ZFYVE9: variants seen among roughly 807,000 people sequenced by gnomAD.
ZFYVE9 encodes zinc finger FYVE-type containing 9.
ZFYVE9 carries 43 observed loss-of-function variants against 126.7 expected under a neutral mutation model. That is an observed-to-expected ratio of 0.34 (90% CI 0.27 to 0.44). The LOEUF (loss-of-function observed/expected upper bound fraction) is 0.44. ZFYVE9 is among the 20% of genes least tolerant of loss of function. ZFYVE9 has a pLI of 1.00. For missense variants in ZFYVE9, 1,476 were observed against 1,697.0 expected (o/e 0.87, Z 2.29); for synonymous variants, 521 against 597.4 (o/e 0.87, Z 1.87).
At position 52,239,349 on chromosome 1, in the gene ZFYVE9, A is replaced by G. The variant is rs1249250259; in HGVS notation, c.1932A>G (p.Thr644=). Residue 644 remains threonine (T), a synonymous_variant, in exon 4 of 19, where the codon ACA becomes ACG. Transcript: ENST00000287727. ...PSLGNISNVD[T]NGEHLESYEA... Reference sequence around the variant, plus strand: ...TGGGAAACATCTCTAATGTCGATACAAATGGGGAACATTTAGAAAGTTATG... The same window carrying G: ...TGGGAAACATCTCTAATGTCGATACGAATGGGGAACATTTAGAAAGTTATG... 5 of 1,614,122 alleles carry G rather than the reference A, an allele frequency of 3.1e-6. No individual in the cohort carries two copies. Among genetic ancestry groups the G allele is most frequent in the Admixed American group, 1.7e-5 (1 of 60,008 alleles).
intron 1 of ZFYVE9, among the ~76,000 whole-genome samples, chr1:52,167,540 C>T (rs1196031345): frequency 1.3e-5 from 2 of 152,060 alleles, no homozygotes; most frequent in Non-Finnish European, 2.9e-5. Flanking sequence ...CTAAAAATAA[C>T]CTACCCTTTT....
At chr1:52,258,879 G>A (rs1440718202) in intron 4 of ZFYVE9, among the ~76,000 whole-genome samples, 1 of 151,226 alleles carries the variant, frequency 6.6e-6, no homozygotes, top group African/African-American at 2.4e-5. Flanking sequence ...TACTCCATTT[G>A]CTGCTCCCTT....
chr1:52,265,574 G>T (rs923896849), intron 5 of ZFYVE9, among the ~76,000 whole-genome samples: 3 of 152,018 alleles, frequency 2.0e-5, no homozygotes, highest in Admixed American at 1.3e-4. Flanking sequence ...GAAATTATAG[G>T]GTACACAGAA....
At chr1:52,264,564 T>C (rs952749166) in intron 5 of ZFYVE9, among the ~76,000 whole-genome samples, 1 of 152,214 alleles carries the variant, frequency 6.6e-6, no homozygotes, top group Non-Finnish European at 1.5e-5. Flanking sequence ...AAAGATACAC[T>C]AAAATTGTTC....
intron 1 of ZFYVE9, among the ~76,000 whole-genome samples, chr1:52,200,458 G>A (rs987279854): frequency 1.3e-5 from 2 of 152,158 alleles, no homozygotes; most frequent in African/African-American, 2.4e-5. Flanking sequence ...TGGGATTACA[G>A]ATGTAAGCCA....
In ZFYVE9 at chr1:52,246,191, A is replaced by G. The variant is rs145561883; in HGVS notation, c.2178+6596A>G. On this transcript the variant is annotated intron_variant, in intron 4 of 18. Coordinates refer to ENST00000287727, the MANE Select transcript of ZFYVE9 (RefSeq NM_004799.4). ...CTGATACATCAGCCTTGGCCTCCCA[A>G]AGTGCTGGGATTACAGGTGTGAGCC... Among the ~76,000 whole-genome samples the G allele has an allele frequency of 6.4e-3, 971 of 152,270 alleles. 12 individuals carry two copies. The highest frequency in any genetic ancestry group is 0.014 in the Middle Eastern group (4 of 294).
At chr1:52,177,173 G>A (rs1451012661) in intron 1 of ZFYVE9, among the ~76,000 whole-genome samples, 1 of 149,356 alleles carries the variant, frequency 6.7e-6, no homozygotes, top group Non-Finnish European at 1.5e-5. Context: ...TTTTGAGACG[G>A]ACTCTCCCTC....
At chr1:52,160,598 T>G in intron 1 of ZFYVE9, 1 of 714,798 alleles carries the variant, frequency 1.4e-6, no homozygotes, top group Non-Finnish European at 2.6e-6. Flanking sequence ...AAAGGAATAG[T>G]CCATAGAGTC....
intron 7 of ZFYVE9, 27 bp downstream of exon 7, chr1:52,268,659 T>C: frequency 6.2e-7 from 1 of 1,608,620 alleles, no homozygotes; most frequent in Non-Finnish European, 8.5e-7. Context: ...GCAACTAAAA[T>C]TGCATAGCTA....
Position 52,239,476 on chromosome 1 carries a change from A to C in ZFYVE9, c.2059A>C (p.Thr687Pro), listed in dbSNP as rs771819806. 3 of 1,614,022 alleles carry C rather than the reference A, an allele frequency of 1.9e-6. No homozygotes were observed. The highest frequency in any genetic ancestry group is 2.7e-5 in the African/African-American group (2 of 74,932). The change falls in exon 4 of 19, where the codon ACC becomes CCC. Residue 687 changes from threonine to proline, a missense_variant. Coordinates refer to ENST00000287727, the MANE Select transcript of ZFYVE9 (RefSeq NM_004799.4). ...QFGISARKPF[T>P]TLGEVAPVWV... ...TGGAATTTCTGCCAGAAAGCCATTC[A>C]CCACTCTGGGTGAGGTGGCTCCAGT... is the stretch of plus-strand genomic sequence containing the variant.
At chr1:52,284,054 G>A (rs996759334) in intron 10 of ZFYVE9, among the ~76,000 whole-genome samples, 21 of 152,180 alleles carry the variant, frequency 1.4e-4, no homozygotes, top group Non-Finnish European at 2.6e-4. Context: ...ACAAGTCAAG[G>A]TTGGCCTCAG....
intron 13 of ZFYVE9, among the ~76,000 whole-genome samples, chr1:52,311,261 AT>A (rs35243533): frequency 0.82 from 84,024 of 102,652 alleles, 33,843 homozygotes; most frequent in East Asian, 0.93. Context: ...CCTTGGATTG[AT>A]TTTTTTTTTT....
rs544423410 is a variant in ZFYVE9 at position 52,218,263 on chromosome 1, C to A, written c.-37+1789C>A. 2.6e-4 allele frequency among the ~76,000 whole-genome samples: 40 copies of A among 152,196 alleles called. 1 individual carries two copies. The East Asian group carries it at 7.7e-3, about 29-fold the overall frequency. On this transcript the variant is annotated intron_variant, in intron 2 of 18. Transcript: ENST00000287727. ...TTGGCAGTGTACCAAATATTGGTCC[C>A]CCACAATACCACCATACATCCTCTC...
Position 52,198,125 on chromosome 1 carries a change from T to TTTG in ZFYVE9, c.-142-18242_-142-18241insGTT, listed in dbSNP as rs1553123737. ...ATATTGTAGTGTTTTTTTTTGTTTGTTTTTTTTTTTTTTTGAGATGGAGTC... is the reference window on the plus strand; with the variant it reads ...ATATTGTAGTGTTTTTTTTTGTTTGTTTGTTTTTTTTTTTTTTGAGATGGAGTC... On this transcript the variant is annotated intron_variant, in intron 1 of 18. Coordinates refer to ENST00000287727, the MANE Select transcript of ZFYVE9 (RefSeq NM_004799.4). Among the ~76,000 whole-genome samples, 16 of 122,012 alleles carry TTTG rather than the reference T, an allele frequency of 1.3e-4. 2 individuals are homozygous for TTTG. Among genetic ancestry groups the TTTG allele is most frequent in the East Asian group, 2.3e-4 (1 of 4,348 alleles). 80.0% of individuals were successfully genotyped at this position (122,012 alleles called of 152,430 possible).
intron 4 of ZFYVE9, among the ~76,000 whole-genome samples, chr1:52,247,340 C>G (rs1438233537): frequency 1.2e-4 from 18 of 152,242 alleles, no homozygotes; most frequent in Non-Finnish European, 2.2e-4. Flanking sequence ...CTTTCAATAT[C>G]TAGTCTGCTG....
intron 10 of ZFYVE9, 95 bp from the exon 11 acceptor site, chr1:52,293,358 A>C (rs988669771): frequency 4.7e-5 from 53 of 1,131,366 alleles, no homozygotes; most frequent in Admixed American, 8.8e-5. Context: ...CAGCCTGGGC[A>C]ACAGCCAGAC....
intron 2 of ZFYVE9, among the ~76,000 whole-genome samples, chr1:52,225,038 C>G (rs771275883): frequency 4.6e-5 from 7 of 152,120 alleles, no homozygotes; most frequent in Non-Finnish European, 1.0e-4. Context: ...AGAACCGAGT[C>G]CGGACTCCAC....
At position 52,269,875 on chromosome 1, in the gene ZFYVE9, C is replaced by T. The variant is rs532392489; in HGVS notation, c.2625+1243C>T. Among the ~76,000 whole-genome samples, 4 of 152,044 alleles carry T rather than the reference C, an allele frequency of 2.6e-5. No homozygotes were observed. The East Asian group carries it at 5.8e-4, about 22-fold the overall frequency. ...CAGACATGGCTCTCTGCAGCCTTAACGTCCCAGGCTCAAGCAATCCTTCTG... is the reference window on the plus strand; with the variant it reads ...CAGACATGGCTCTCTGCAGCCTTAATGTCCCAGGCTCAAGCAATCCTTCTG... On this transcript the variant is annotated intron_variant, in intron 7 of 18. Coordinates refer to ENST00000287727, the MANE Select transcript of ZFYVE9 (RefSeq NM_004799.4).
chr1:52,335,944 G>A (rs1396795864), intron 15 of ZFYVE9, among the ~76,000 whole-genome samples: 2 of 152,060 alleles, frequency 1.3e-5, no homozygotes, highest in Non-Finnish European at 2.9e-5. Flanking sequence ...GACCAGCCTG[G>A]CCGACATGGT....
Sources: gnomAD v4.1 joint callset for allele counts (sites outside exome capture counted in the v4.1 genomes callset) on GRCh38, gnomAD v4.1.1 for gene constraint, MANE v1.5 for transcripts, NCBI Gene and HGNC (gene_info 2026-07-23, HGNC 2026-07-21) for gene names.